The following TFB1M variants were observed in gnomAD, a reference collection of about 807,000 sequenced individuals.
The protein encoded by TFB1M is transcription factor B1, mitochondrial.
A neutral mutation model predicts 31.1 loss-of-function variants in TFB1M; 27 were observed. The observed-to-expected ratio is 0.87, with a 90% CI of 0.64 to 1.20. The LOEUF (loss-of-function observed/expected upper bound fraction) is 1.20, where lower values mean the gene tolerates loss of function less well. Ranked by LOEUF, TFB1M falls within the 50% of genes most tolerant of loss-of-function variation. The probability of loss-of-function intolerance (pLI) is 0.00; values close to 1 mark genes in which losing one functional copy is unlikely to be tolerated. For missense variants in TFB1M, 394 were observed against 418.7 expected (o/e 0.94, Z 0.51); for synonymous variants, 166 against 151.8 (o/e 1.09, Z -0.69).
intron 2 of TFB1M, chr6:155,310,815 A>G (rs1777983807): frequency 4.8e-6 from 1 of 208,704 alleles, no homozygotes; most frequent in Non-Finnish European, 9.8e-6. Context: ...GAAGTTCTCA[A>G]AAGTCATACC....
chr6:155,236,783 C>T, the TFB1M span, among the ~76,000 whole-genome samples: 8 of 152,306 alleles, frequency 5.3e-5, no homozygotes, highest in South Asian at 1.7e-3. Context: ...TTCACTATTA[C>T]AAGAACAGCA....
At chr6:155,243,648 A>T in the TFB1M span, among the ~76,000 whole-genome samples, 1 of 152,024 alleles carries the variant, frequency 6.6e-6, no homozygotes, top group African/African-American at 2.4e-5. Flanking sequence ...GGAGTTCGAG[A>T]CCAGCCTGAC....
chr6:155,302,670 C>A (rs1003991692), intron 2 of TFB1M, among the ~76,000 whole-genome samples: 2 of 152,072 alleles, frequency 1.3e-5, no homozygotes, highest in Admixed American at 6.6e-5. Context: ...CTACAAATAT[C>A]TAAAATTATT....
chr6:155,270,551 A>ATTT (rs1784872361), intron 5 of TFB1M, among the ~76,000 whole-genome samples: 1 of 152,266 alleles, frequency 6.6e-6, no homozygotes, highest in African/African-American at 2.4e-5. Flanking sequence ...GGCAATTAAT[A>ATTT]TTTTATAGGA....
At chr6:155,250,443 G>A in the TFB1M span, 1 of 973,868 alleles carries the variant, frequency 1.0e-6, no homozygotes, top group East Asian at 2.6e-5. Flanking sequence ...CATGCAGGAA[G>A]TAGCATAGTT....
the TFB1M span, among the ~76,000 whole-genome samples, chr6:155,233,193 G>A: frequency 3.0e-4 from 46 of 152,300 alleles, no homozygotes; most frequent in East Asian, 4.8e-3. Context: ...TACCTACCCC[G>A]TAGTAGTTTA....
chr6:155,287,637 C>T (rs906680135), intron 4 of TFB1M, among the ~76,000 whole-genome samples: 6 of 149,770 alleles, frequency 4.0e-5, no homozygotes, highest in East Asian at 2.0e-4. Context: ...ATAATGATGA[C>T]GAAAGTTTAA....
chr6:155,250,584 G>A, the TFB1M span: 2 of 1,536,022 alleles, frequency 1.3e-6, no homozygotes, highest in Non-Finnish European at 8.7e-7. Context: ...GATCCCAGGG[G>A]AAAGCTTACA....
chr6:155,278,150 G>A (rs999276534), intron 5 of TFB1M, among the ~76,000 whole-genome samples: 12 of 152,028 alleles, frequency 7.9e-5, no homozygotes, highest in African/African-American at 2.4e-4. Context: ...TTCCTATCCC[G>A]CTGTGTTCAT....
the TFB1M span, among the ~76,000 whole-genome samples, chr6:155,241,204 T>C: frequency 6.6e-6 from 1 of 152,242 alleles, no homozygotes; most frequent in Admixed American, 6.5e-5. Context: ...TGCACCATTA[T>C]GAAGGGGCAG....
chr6:155,235,319 T>G, the TFB1M span, among the ~76,000 whole-genome samples: 1 of 152,226 alleles, frequency 6.6e-6, no homozygotes, highest in African/African-American at 2.4e-5. Context: ...GGAAGGACAC[T>G]GAAGACTTAG....
Position 155,257,607 on chromosome 6 carries a change from AC to A in TFB1M, c.*228del. On this transcript the variant is annotated 3_prime_UTR_variant, in exon 7 of 7. Coordinates refer to ENST00000367166, the MANE Select transcript of TFB1M (RefSeq NM_016020.4). ...ATAGATTGTAATAGATGCTGTTTATACTAAACATGTCATAACTATCTATACA... is the reference window on the plus strand; with the variant it reads ...ATAGATTGTAATAGATGCTGTTTATATAAACATGTCATAACTATCTATACA... 2 of 525,806 alleles carry A rather than the reference AC, an allele frequency of 3.8e-6. No individual in the cohort carries two copies. The highest frequency in any genetic ancestry group is 3.6e-5 in the Admixed American group (1 of 28,026). The allele number at this position is 525,806 out of a possible 1,614,324, so 32.6% of individuals were successfully genotyped here. A position where few individuals can be genotyped will look rare whatever the true frequency, so the allele number is the denominator to read the frequency against.
At chr6:155,231,548 T>G in the TFB1M span, among the ~76,000 whole-genome samples, 6 of 152,228 alleles carry the variant, frequency 3.9e-5, no homozygotes, top group Admixed American at 3.3e-4. Flanking sequence ...GTGCTGCCCT[T>G]TTCCTTCTCC....
chr6:155,243,074 C>T, the TFB1M span, among the ~76,000 whole-genome samples: 1 of 152,090 alleles, frequency 6.6e-6, no homozygotes, highest in Non-Finnish European at 1.5e-5. Context: ...AAATCTTTCG[C>T]TCATGGGTTT....
chr6:155,306,575 A>G (rs549612186), intron 2 of TFB1M, among the ~76,000 whole-genome samples: 61 of 152,346 alleles, frequency 4.0e-4, no homozygotes, highest in South Asian at 2.1e-3. Flanking sequence ...ACACCTCAAC[A>G]TGGATGAACT....
At chr6:155,236,710 A>G in the TFB1M span, among the ~76,000 whole-genome samples, 1 of 152,196 alleles carries the variant, frequency 6.6e-6, no homozygotes, top group Non-Finnish European at 1.5e-5. Context: ...GGATGGCAGC[A>G]GGCAAAGAGA....
chr6:155,280,906 A>G (rs887643084), intron 5 of TFB1M, among the ~76,000 whole-genome samples: 2 of 152,310 alleles, frequency 1.3e-5, no homozygotes, highest in South Asian at 2.1e-4. Flanking sequence ...TCAAGTTCCA[A>G]TCTTTTCTTT....
At chr6:155,259,059 G>A (rs1310919994) in intron 6 of TFB1M, among the ~76,000 whole-genome samples, 3 of 152,148 alleles carry the variant, frequency 2.0e-5, no homozygotes, top group Non-Finnish European at 2.9e-5. Flanking sequence ...CCTTGGAAAC[G>A]CTAGTGCCAG....
chr6:155,287,261 T>C (rs1776702646), intron 4 of TFB1M, among the ~76,000 whole-genome samples: 1 of 152,132 alleles, frequency 6.6e-6, no homozygotes, highest in South Asian at 2.1e-4. Flanking sequence ...GTGTAAAACC[T>C]CATGACCCTC....
Sources: allele counts gnomAD v4.1 joint callset (sites outside exome capture counted in the v4.1 genomes callset), GRCh38; gene constraint gnomAD v4.1.1; transcripts MANE v1.5; gene names NCBI Gene and HGNC (gene_info 2026-07-23, HGNC 2026-07-21).